Variants in ENO1 observed in about 807,000 individuals in gnomAD.
ENO1 encodes enolase 1.
A neutral mutation model predicts 46.3 loss-of-function variants in ENO1; 33 were observed. That is an observed-to-expected ratio of 0.71 (90% CI 0.54 to 0.95). The LOEUF is 0.95. ENO1 is among the 40% of genes least tolerant of loss of function. The probability of loss-of-function intolerance (pLI) is 0.00; values close to 1 mark genes in which losing one functional copy is unlikely to be tolerated. For synonymous variants in ENO1, 220 were observed against 216.0 expected, an observed-to-expected ratio of 1.02 and a Z score of -0.16; for missense variants, 488 against 553.3, an observed-to-expected ratio of 0.88 and a Z score of 1.18.
Position 8,865,476 on chromosome 1 carries a change from T to C in ENO1, c.674A>G (p.Glu225Gly). The stretch of plus-strand genomic sequence containing the variant: ...TTTCCCAATAGCAGTCTTCAGCAGC[T>C]CCAGGCCTGGGAAGAGATGGTGACA... ...PNILENKEGL[E>G]LLKTAIGKAG... Residue 225 changes from glutamate (E) to glycine (G), a missense_variant, in exon 8 of 12, where the codon GAG becomes GGG. By Grantham distance (98) the Glu-to-Gly change is moderately conservative. Transcript: ENST00000234590. 1 of 1,612,870 alleles carries C rather than the reference T, an allele frequency of 6.2e-7. No individual in the cohort carries two copies. The highest frequency in any genetic ancestry group is 8.5e-7 in the Non-Finnish European group (1 of 1,179,976).
rs536666214 is a variant in ENO1, at chr1:8,863,851, C to T, written c.1067+40G>A. On this transcript the variant is annotated intron_variant, in intron 9 of 11. Coordinates refer to ENST00000234590, the MANE Select transcript of ENO1 (RefSeq NM_001428.5). The stretch of plus-strand genomic sequence containing the variant: ...AAGGGCCCTTTTCTGATTCACAAGC[C>T]GTAGCTGCGGGAAAGCTGCTCGCCT... 36 of 1,608,816 alleles carry T rather than the reference C, an allele frequency of 2.2e-5. No individual in the cohort carries two copies. The East Asian group carries it at 3.1e-4, about 14-fold the overall frequency.
chr1:8,874,998 G>A (rs541351454), intron 1 of ENO1, 81 bp from the exon 2 acceptor site: 12 of 1,232,132 alleles, frequency 9.7e-6, no homozygotes, highest in African/African-American at 6.0e-5. Context: ...TCACTTCCGA[G>A]GTTCGTGGAC....
chr1:8,863,487 GCA>G (rs1397199140), intron 9 of ENO1, 144 bp from the exon 10 acceptor site: 40 of 793,592 alleles, frequency 5.0e-5, no homozygotes, highest in Non-Finnish European at 7.1e-5. Flanking sequence ...TTTGTCAAGA[GCA>G]CAGAGGAGAA....
Position 8,861,122 on chromosome 1 carries a change from G to A in ENO1, c.*238C>T, listed in dbSNP as rs1038919002. ...CTAGACACTTGGTGGAAAGTGAGGCGAGAAAAACAATGACTTGGGCCAATT... is the reference window on the plus strand; with the variant it reads ...CTAGACACTTGGTGGAAAGTGAGGCAAGAAAAACAATGACTTGGGCCAATT... On this transcript the variant is annotated 3_prime_UTR_variant, in exon 12 of 12. Coordinates refer to ENST00000234590, the MANE Select transcript of ENO1 (RefSeq NM_001428.5). 4.1e-6 allele frequency: 2 copies of A among 492,904 alleles called. No individual in the cohort carries two copies. The highest frequency in any genetic ancestry group is 1.9e-5 in the African/African-American group (1 of 51,730). 30.5% of individuals were successfully genotyped at this position (492,904 alleles called of 1,614,324 possible).
intron 3 of ENO1, chr1:8,870,825 C>G: frequency 7.3e-7 from 1 of 1,369,386 alleles, no homozygotes; most frequent in South Asian, 2.0e-5. Flanking sequence ...AATCAGTTAC[C>G]TGAGTGCACA....
chr1:8,871,025 TGCTTACTTACTGA>T (rs1157247727), intron 3 of ENO1: 38 of 1,240,414 alleles, frequency 3.1e-5, no homozygotes, highest in Non-Finnish European at 3.7e-5. Flanking sequence ...CTTCCACAAA[TGCTTACTTACTGA>T]GCACTCATTA....
At position 8,861,365 on chromosome 1, in the gene ENO1, T is replaced by G; in HGVS notation, c.1300A>C (p.Lys434Gln). Reference protein sequence around the residue: ...AGRNFRNPLAK With the variant: ...AGRNFRNPLAQ Reference sequence around the variant, plus strand: ...AGGGCTTGCCTGCCCACAGCTTACTTGGCCAAGGGGTTTCTGAAGTTCCTG... The same window carrying G: ...AGGGCTTGCCTGCCCACAGCTTACTGGGCCAAGGGGTTTCTGAAGTTCCTG... Residue 434 changes from lysine to glutamine, a missense_variant, in exon 12 of 12, where the codon AAG becomes CAG. Coordinates refer to ENST00000234590, the MANE Select transcript of ENO1 (RefSeq NM_001428.5). 5 of 1,613,866 alleles carry G rather than the reference T, an allele frequency of 3.1e-6. No homozygotes were observed. The highest frequency in any genetic ancestry group is 4.2e-6 in the Non-Finnish European group (5 of 1,180,018).
In ENO1 at chr1:8,870,110, G is replaced by A. The variant is rs28999076; in HGVS notation, c.240+342C>T. 2.3e-4 allele frequency: 63 copies of A among 272,730 alleles called. 1 individual carries two copies. In the East Asian group the frequency reaches 4.0e-3, roughly 17 times the overall value. The allele number at this position is 272,730 out of a possible 1,614,324, so 16.9% of individuals were successfully genotyped here. ...TATAGTAAATAATTCCAAAGTTCAT[G>A]AGAAATTAGTCACCATGGACACTAC... On this transcript the variant is annotated intron_variant, in intron 4 of 11. Transcript: ENST00000234590.
chr1:8,863,543 G>A (rs1447868381), intron 9 of ENO1, among the ~76,000 whole-genome samples, 200 bp from the exon 10 acceptor site: 2 of 152,158 alleles, frequency 1.3e-5, no homozygotes, highest in Non-Finnish European at 2.9e-5. Context: ...GACCTTCTTA[G>A]CCCTCCTGTC....
chr1:8,878,647 A>T lies in ENO1; in HGVS notation c.-77T>A. The T allele has an allele frequency of 2.2e-6, 1 of 456,042 alleles. No individual in the cohort carries two copies. Among genetic ancestry groups the T allele is most frequent in the South Asian group, 1.5e-5 (1 of 64,564 alleles). 28.2% of individuals were successfully genotyped at this position (456,042 alleles called of 1,614,324 possible). A position where few individuals can be genotyped will look rare whatever the true frequency, so the allele number is the denominator to read the frequency against. On this transcript the variant is annotated 5_prime_UTR_variant, in exon 1 of 12. Transcript: ENST00000234590. ...GCTGCAGACACCGAGGTGAACGTAA[A>T]GCCGGCGAGATCTCCGTGCTCCGGG...
intron 11 of ENO1, among the ~76,000 whole-genome samples, chr1:8,862,445 C>A (rs1642424312): frequency 6.6e-6 from 1 of 152,154 alleles, no homozygotes; most frequent in African/African-American, 2.4e-5. Flanking sequence ...GAAAGGGAGA[C>A]CAGAACAGCC....
At chr1:8,869,318 C>CG (rs1642584295) in intron 4 of ENO1, among the ~76,000 whole-genome samples, 1 of 151,906 alleles carries the variant, frequency 6.6e-6, no homozygotes. Context: ...TGGAGGTGTC[C>CG]GGGAGACTGG....
At chr1:8,870,431 T>G (rs1372100536) in intron 4 of ENO1, 21 bp downstream of exon 4, 2 of 1,614,036 alleles carry the variant, frequency 1.2e-6, no homozygotes, top group Non-Finnish European at 1.7e-6. Flanking sequence ...GACACATTAG[T>G]TATCAGGAGG....
At chr1:8,867,398 T>C in intron 5 of ENO1, 148 bp from the exon 6 acceptor site, 1 of 1,165,292 alleles carries the variant, frequency 8.6e-7, no homozygotes, top group Non-Finnish European at 1.2e-6. Flanking sequence ...AATAGCATTC[T>C]ATGTGGACTC....
chr1:8,870,555 C>T (rs1642609134), intron 3 of ENO1, 45 bp from the exon 4 acceptor site: 3 of 1,612,830 alleles, frequency 1.9e-6, no homozygotes, highest in Non-Finnish European at 2.5e-6. Context: ...AACTTTAAAA[C>T]AGGCTTGAGC....
chr1:8,874,620 A>G (rs1642700113), intron 2 of ENO1, among the ~76,000 whole-genome samples: 1 of 151,592 alleles, frequency 6.6e-6, no homozygotes, highest in African/African-American at 2.4e-5. Context: ...AAAGAAAAAA[A>G]TAAGCCGAGA....
Position 8,861,185 on chromosome 1 carries a change from G to A in ENO1, c.*175C>T, listed in dbSNP as rs1258636228. 6.6e-6 allele frequency: 4 copies of A among 606,356 alleles called. No individual in the cohort carries two copies. In the East Asian group the frequency reaches 1.1e-4, roughly 17 times the overall value. 37.6% of individuals were successfully genotyped at this position (606,356 alleles called of 1,614,324 possible). On this transcript the variant is annotated 3_prime_UTR_variant, in exon 12 of 12. Transcript: ENST00000234590. The stretch of plus-strand genomic sequence containing the variant: ...AGCTAGAGCTGCCAACAGGGCTCCA[G>A]GGAGCTTGGCTTCTGTAGAAGTTCT...
Position 8,863,966 on chromosome 1 carries a change from G to T in ENO1, c.992C>A (p.Ala331Asp), listed in dbSNP as rs267598750. The change falls in exon 9 of 12, where the codon GCC becomes GAC. Residue 331 changes from alanine (A) to aspartate (D), a missense_variant. Transcript: ENST00000234590. ...GCAGTTGCAGGACTTCTCGTTCACG[G>T]CCTTGGCGATCCTCTTTGGGTTGGT... The part of the protein sequence containing the change: ...TVTNPKRIAK[A>D]VNEKSCNCLL... The T allele has an allele frequency of 6.2e-7, 1 of 1,614,098 alleles. No homozygotes were observed. Among genetic ancestry groups the T allele is most frequent in the Non-Finnish European group, 8.5e-7 (1 of 1,180,028 alleles).
rs548202415 is a variant in ENO1, at chr1:8,863,482, C to CA, written c.1068-140dup. 260 of 840,258 alleles carry CA rather than the reference C, an allele frequency of 3.1e-4. 1 individual carries two copies. Among genetic ancestry groups the CA allele is most frequent in the Non-Finnish European group, 4.4e-4 (244 of 550,158 alleles). 52.1% of individuals were successfully genotyped at this position (840,258 alleles called of 1,614,324 possible). A position where few individuals can be genotyped will look rare whatever the true frequency, so the allele number is the denominator to read the frequency against. ...AAAGCCCTCCATGCCTGGGCTTTGT[C>CA]AAGAGCACAGAGGAGAACCCTCACC... On this transcript the variant is annotated intron_variant, in intron 9 of 11. Coordinates refer to ENST00000234590, the MANE Select transcript of ENO1 (RefSeq NM_001428.5).
Sources: gnomAD v4.1 joint callset for allele counts (sites outside exome capture counted in the v4.1 genomes callset) on GRCh38, gnomAD v4.1.1 for gene constraint, MANE v1.5 for transcripts, NCBI Gene and HGNC (gene_info 2026-07-23, HGNC 2026-07-21) for gene names.